Variants in PTPRM observed in about 807,000 individuals in gnomAD.
PTPRM encodes protein tyrosine phosphatase receptor type M.
Under a neutral mutation model 186.7 loss-of-function variants are expected in PTPRM, and 47 were observed. That is an observed-to-expected ratio of 0.25 (90% CI 0.20 to 0.32). The LOEUF (loss-of-function observed/expected upper bound fraction) is 0.32. Among genes scored for constraint, PTPRM ranks in the 10% least tolerant of loss-of-function variants. PTPRM has a pLI of 1.00. For missense variants in PTPRM, 1,494 were observed against 1,865.0 expected (o/e 0.80, Z 3.66); for synonymous variants, 668 against 674.9 (o/e 0.99, Z 0.16).
At chr18:8,140,830 A>G (rs572807888) in intron 13 of PTPRM, among the ~76,000 whole-genome samples, 5 of 152,340 alleles carry the variant, frequency 3.3e-5, no homozygotes, top group African/African-American at 1.2e-4. Flanking sequence ...ATACGAAAAA[A>G]AGGAAAAGTT....
intron 1 of PTPRM, among the ~76,000 whole-genome samples, chr18:7,606,088 C>T (rs1217746229): frequency 6.6e-6 from 1 of 152,016 alleles, no homozygotes; most frequent in African/African-American, 2.4e-5. Context: ...CTGCTCAGCA[C>T]TTTGCTACCT....
chr18:7,738,190 A>G (rs2040811295), intron 1 of PTPRM, among the ~76,000 whole-genome samples: 1 of 152,208 alleles, frequency 6.6e-6, no homozygotes, highest in African/African-American at 2.4e-5. Flanking sequence ...TTTATTAATC[A>G]AAATAGGAAC....
chr18:8,165,375 G>T (rs2093307017), intron 14 of PTPRM, among the ~76,000 whole-genome samples: 1 of 152,070 alleles, frequency 6.6e-6, no homozygotes, highest in African/African-American at 2.4e-5. Flanking sequence ...GAAAGTTACT[G>T]TCCAGCCGAT....
At chr18:7,643,675 A>G (rs79077166) in intron 1 of PTPRM, among the ~76,000 whole-genome samples, 2,613 of 151,896 alleles carry the variant, frequency 0.017, 81 homozygotes, top group African/African-American at 0.06. Flanking sequence ...TTTCTTCTCT[A>G]TTTTTTTGGG....
chr18:7,920,482 G>A (rs761333865), intron 4 of PTPRM, among the ~76,000 whole-genome samples: 9 of 152,044 alleles, frequency 5.9e-5, no homozygotes, highest in Non-Finnish European at 1.2e-4. Context: ...ATGCTTTTAT[G>A]CTTTAACTCC....
chr18:7,642,173 T>C (rs2038458321), intron 1 of PTPRM, among the ~76,000 whole-genome samples: 1 of 152,150 alleles, frequency 6.6e-6, no homozygotes, highest in Non-Finnish European at 1.5e-5. Context: ...TGTACCAAAA[T>C]AGAGAGTGCC....
Position 7,567,997 on chromosome 18 carries a change from C to T in PTPRM, c.73+106C>T. 8.9e-7 allele frequency: 1 copy of T among 1,119,854 alleles called. No homozygotes were observed. The highest frequency in any genetic ancestry group is 2.5e-5 in the South Asian group (1 of 40,790). The allele number at this position is 1,119,854 out of a possible 1,614,324, so 69.4% of individuals were successfully genotyped here. A position where few individuals can be genotyped will look rare whatever the true frequency, so the allele number is the denominator to read the frequency against. On this transcript the variant is annotated intron_variant, in intron 1 of 32. Transcript: ENST00000580170. This position sits in a 1 kb window ranked among gnomAD's most constrained non-coding sequence, Gnocchi z 4.3. The stretch of plus-strand genomic sequence containing the variant: ...AGAGCCCTAAGGCTGGCGTCGGGGC[C>T]GGGCGGGGGGCGCGGCGGGCCGGAC...
chr18:8,133,578 G>A (rs1337202960), intron 13 of PTPRM, among the ~76,000 whole-genome samples: 1 of 152,170 alleles, frequency 6.6e-6, no homozygotes, highest in African/African-American at 2.4e-5. Flanking sequence ...TAGTTGGAAT[G>A]TGTGGCCTTT....
chr18:8,235,891 T>C (rs574906417), intron 14 of PTPRM, among the ~76,000 whole-genome samples: 13 of 152,336 alleles, frequency 8.5e-5, no homozygotes, highest in Non-Finnish European at 1.9e-4. Flanking sequence ...CCAGCCATTT[T>C]CATGTTACTG....
intron 3 of PTPRM, among the ~76,000 whole-genome samples, chr18:7,895,306 A>G (rs911205056): frequency 6.6e-6 from 1 of 152,220 alleles, no homozygotes; most frequent in Non-Finnish European, 1.5e-5. Context: ...AGATTTGTGG[A>G]AGATGGTAAA....
chr18:7,996,912 C>T (rs1483651451), intron 7 of PTPRM, among the ~76,000 whole-genome samples: 1 of 151,770 alleles, frequency 6.6e-6, no homozygotes, highest in Non-Finnish European at 1.5e-5. Flanking sequence ...AAAGATATTA[C>T]ATGTGTATGG....
In PTPRM at chr18:7,668,186, C is replaced by T. The variant is rs117104998; in HGVS notation, c.73+100295C>T. ...TAGCAGTCCTTCTTCAAAGGGTGTG[C>T]ATGGTGAGGAGCTGCACCACGGTGG... is the stretch of plus-strand genomic sequence containing the variant. On this transcript the variant is annotated intron_variant, in intron 1 of 32. Coordinates refer to ENST00000580170, the MANE Select transcript of PTPRM (RefSeq NM_001105244.2). This position sits in a 1 kb window ranked among gnomAD's most constrained non-coding sequence, Gnocchi z 4.7. Among the ~76,000 whole-genome samples the T allele has an allele frequency of 4.2e-3, 639 of 152,258 alleles. 3 individuals are homozygous for T. Among genetic ancestry groups the T allele is most frequent in the Non-Finnish European group, 7.6e-3 (517 of 68,024 alleles).
intron 11 of PTPRM, among the ~76,000 whole-genome samples, chr18:8,100,161 C>T (rs1178306801): frequency 6.6e-6 from 1 of 151,782 alleles, no homozygotes; most frequent in Non-Finnish European, 1.5e-5. Flanking sequence ...TGTGTGGAAA[C>T]GGAGTCTTAC....
chr18:8,081,436 G>A (rs1288497914), intron 9 of PTPRM, among the ~76,000 whole-genome samples: 2 of 152,220 alleles, frequency 1.3e-5, no homozygotes, highest in Non-Finnish European at 2.9e-5. Context: ...CCTTCAGCCA[G>A]GGACAGAGTA....
chr18:7,568,122 T>TC lies in PTPRM; in HGVS notation c.73+235dup, dbSNP rs2036474496. Among the ~76,000 whole-genome samples the TC allele has an allele frequency of 6.6e-6, 1 of 151,798 alleles. No homozygotes were observed. Among genetic ancestry groups the TC allele is most frequent in the Non-Finnish European group, 1.5e-5 (1 of 67,906 alleles). ...GAGCGGACGGACCCCGAGGGCGAGC[T>TC]CCCCAGCCGGGACTGCCAGCTCGGC... is the stretch of plus-strand genomic sequence containing the variant. On this transcript the variant is annotated intron_variant, in intron 1 of 32. Transcript: ENST00000580170. The surrounding 1 kb of genome is among the most constrained non-coding windows in gnomAD (Gnocchi z 5.1).
At chr18:8,027,262 A>G (rs897760082) in intron 7 of PTPRM, among the ~76,000 whole-genome samples, 11 of 152,224 alleles carry the variant, frequency 7.2e-5, no homozygotes, top group Admixed American at 1.3e-4. Flanking sequence ...ATATAATTCA[A>G]TCTTTTTATT....
At chr18:8,038,667 C>T (rs143910724) in intron 7 of PTPRM, among the ~76,000 whole-genome samples, 2,027 of 152,294 alleles carry the variant, frequency 0.013, 45 homozygotes, top group African/African-American at 0.046. Flanking sequence ...GCTGGGATTA[C>T]AGGCGTGAGC....
chr18:8,101,398 G>T (rs1391173574), intron 11 of PTPRM, among the ~76,000 whole-genome samples: 1 of 152,144 alleles, frequency 6.6e-6, no homozygotes, highest in African/African-American at 2.4e-5. Context: ...TAGATAACAT[G>T]GTAGCCCCTT....
chr18:8,268,186 C>T lies in PTPRM; in HGVS notation c.2754+14772C>T, dbSNP rs560563883. ...AATCTTGGGAGAATTGTCTTCTTGG[C>T]AGTATTGGCTGTTCCTATCCATTAA... On this transcript the variant is annotated intron_variant, in intron 19 of 32. Coordinates refer to ENST00000580170, the MANE Select transcript of PTPRM (RefSeq NM_001105244.2). 2.6e-5 allele frequency among the ~76,000 whole-genome samples: 4 copies of T among 152,252 alleles called. No homozygotes were observed. In the East Asian group the frequency reaches 5.8e-4, roughly 22 times the overall value.
Sources: gnomAD v4.1 joint callset for allele counts (sites outside exome capture counted in the v4.1 genomes callset) on GRCh38, gnomAD v4.1.1 for gene constraint, Gnocchi (gnomAD v3.1) non-coding constraint, MANE v1.5 for transcripts, NCBI Gene and HGNC (gene_info 2026-07-23, HGNC 2026-07-21) for gene names.